AKR1D1: variants seen among roughly 807,000 people sequenced by gnomAD.
AKR1D1 encodes delta(4)-3-ketosteroid 5-beta-reductase.
Under a neutral mutation model 42.6 loss-of-function variants are expected in AKR1D1, and 32 were observed. That is an observed-to-expected ratio of 0.75 (90% confidence interval 0.57 to 1.01). The LOEUF is 1.01. Among genes scored for constraint, AKR1D1 ranks in the 50% least tolerant of loss-of-function variants. AKR1D1 has a pLI of 0.00. For synonymous variants in AKR1D1, 123 were observed against 135.5 expected, an observed-to-expected ratio of 0.91 and a Z score of 0.64; for missense variants, 364 against 402.2, an observed-to-expected ratio of 0.91 and a Z score of 0.81.
chr7:138,102,937 A>G (rs1794346303), intron 4 of AKR1D1, among the ~76,000 whole-genome samples: 1 of 152,132 alleles, frequency 6.6e-6, no homozygotes, highest in Non-Finnish European at 1.5e-5. Flanking sequence ...TTCTTCCTGG[A>G]TAGCTGGTTG....
chr7:138,095,197 A>G (rs1794161069), intron 3 of AKR1D1, among the ~76,000 whole-genome samples: 1 of 152,228 alleles, frequency 6.6e-6, no homozygotes, highest in African/African-American at 2.4e-5. Context: ...AAATCACGTA[A>G]CAGAATTCAT....
rs1306778999 is a variant in AKR1D1 at position 138,106,729 on chromosome 7, T to A, written c.689+12T>A. 2 of 1,565,690 alleles carry A rather than the reference T, an allele frequency of 1.3e-6. No homozygotes were observed. Among genetic ancestry groups the A allele is most frequent in the African/African-American group, 2.7e-5 (2 of 73,862 alleles). On this transcript the variant is annotated intron_variant, in intron 6 of 8. Transcript: ENST00000242375. The stretch of plus-strand genomic sequence containing the variant: ...AGGAATCCAATCTGGTAAGTAAAAC[T>A]TTAGGAAGCATTTCCTTTGGTGTAG...
chr7:138,108,277 A>G (rs1208891605), intron 7 of AKR1D1, among the ~76,000 whole-genome samples: 1 of 152,316 alleles, frequency 6.6e-6, no homozygotes, highest in South Asian at 2.1e-4. Flanking sequence ...TAAAGACTAA[A>G]CTGCTAGGTA....
At position 138,076,540 on chromosome 7, in the gene AKR1D1, C is replaced by A; in HGVS notation, c.22C>A (p.His8Asn). The stretch of plus-strand genomic sequence containing the variant: ...CACAATGGATCTCAGTGCTGCAAGT[C>A]ACCGCATACCTCTAAGTGATGGAAA... MDLSAAS[H>N]RIPLSDGNSI... Residue 8 changes from histidine (H) to asparagine (N), a missense_variant, in exon 1 of 9, where the codon CAC becomes AAC. Transcript: ENST00000242375. 6.2e-7 allele frequency: 1 copy of A among 1,613,538 alleles called. No individual in the cohort carries two copies. The highest frequency in any genetic ancestry group is 8.5e-7 in the Non-Finnish European group (1 of 1,179,666).
intron 2 of AKR1D1, 70 bp downstream of exon 2, chr7:138,088,838 T>G: frequency 2.1e-6 from 3 of 1,440,942 alleles, no homozygotes; most frequent in Non-Finnish European, 1.8e-6. Flanking sequence ...ATTATTCATC[T>G]TCCGTGTGTG....
chr7:138,097,967 T>G (rs746024345), intron 4 of AKR1D1, 24 bp downstream of exon 4: 20 of 1,539,016 alleles, frequency 1.3e-5, no homozygotes, highest in Non-Finnish European at 7.2e-6. Flanking sequence ...TGCTTCTTAT[T>G]TTAAAAGACG....
At chr7:138,084,954 G>A (rs1292334376) in intron 1 of AKR1D1, among the ~76,000 whole-genome samples, 1 of 150,416 alleles carries the variant, frequency 6.6e-6, no homozygotes, top group Non-Finnish European at 1.5e-5. Flanking sequence ...TGCTCGGAAG[G>A]CTGAGGTAGG....
intron 7 of AKR1D1, among the ~76,000 whole-genome samples, chr7:138,110,044 A>G (rs1026898473): frequency 6.6e-6 from 1 of 152,166 alleles, no homozygotes; most frequent in Non-Finnish European, 1.5e-5. Context: ...AAACGGATAC[A>G]GATTTAGAAG....
At chr7:138,112,784 T>C (rs1202287766) in intron 7 of AKR1D1, among the ~76,000 whole-genome samples, 5 of 151,118 alleles carry the variant, frequency 3.3e-5, no homozygotes, top group Admixed American at 1.3e-4. Flanking sequence ...AAAGAGAAGA[T>C]AGGTTATATA....
At chr7:138,114,381 A>G (rs566426858) in intron 8 of AKR1D1, among the ~76,000 whole-genome samples, 82 of 152,318 alleles carry the variant, frequency 5.4e-4, no homozygotes, top group Non-Finnish European at 9.3e-4. Flanking sequence ...AAAAGAATAT[A>G]GTTTTGGCCA....
intron 7 of AKR1D1, among the ~76,000 whole-genome samples, chr7:138,109,709 A>C (rs1469185813): frequency 6.6e-6 from 1 of 152,158 alleles, no homozygotes; most frequent in African/African-American, 2.4e-5. Flanking sequence ...CCTCATCCTA[A>C]AAAGTGGTTG....
intron 1 of AKR1D1, among the ~76,000 whole-genome samples, chr7:138,081,021 C>G (rs1337786679): frequency 2.0e-5 from 3 of 152,156 alleles, no homozygotes; most frequent in African/African-American, 7.2e-5. Flanking sequence ...GTTTTTGTTG[C>G]TAAAGCACTG....
rs773852919 is a variant in AKR1D1 at position 138,088,649 on chromosome 7, G to A, written c.142G>A (p.Gly48Arg). ...ATCGGTGAAGGTTGCTATTGACACAGGGTACCGACATATTGATGGGGCCTA... is the reference window on the plus strand; with the variant it reads ...ATCGGTGAAGGTTGCTATTGACACAAGGTACCGACATATTGATGGGGCCTA... ...ATSVKVAIDT[G>R]YRHIDGAYIY... The change falls in exon 2 of 9, where the codon GGG (glycine) becomes AGG (arginine). Residue 48 changes from glycine (G) to arginine (R), a missense_variant. Coordinates refer to ENST00000242375, the MANE Select transcript of AKR1D1 (RefSeq NM_005989.4). 8 of 1,614,122 alleles carry A rather than the reference G, an allele frequency of 5.0e-6. No individual in the cohort carries two copies. Among genetic ancestry groups the A allele is most frequent in the Non-Finnish European group, 6.8e-6 (8 of 1,180,030 alleles).
intron 6 of AKR1D1, among the ~76,000 whole-genome samples, chr7:138,106,927 T>A (rs1013945736): frequency 6.6e-6 from 1 of 152,358 alleles, no homozygotes; most frequent in East Asian, 1.9e-4. Flanking sequence ...CAGTGCCTGA[T>A]ATATAGGAAT....
Position 138,116,655 on chromosome 7 carries a change from A to G in AKR1D1, c.974A>G (p.Glu325Gly), listed in dbSNP as rs1425219095. 2 of 1,614,184 alleles carry G rather than the reference A, an allele frequency of 1.2e-6. No individual in the cohort carries two copies. The highest frequency in any genetic ancestry group is 1.7e-6 in the Non-Finnish European group (2 of 1,180,034). Residue 325 changes from glutamate to glycine, a missense_variant, in exon 9 of 9, where the codon GAA (glutamate) becomes GGA (glycine). Transcript: ENST00000242375. ...RDHPEYPFHDEY is the reference protein window; with the variant it reads ...RDHPEYPFHDGY ...CATCCTGAATACCCATTTCATGATG[A>G]ATACTGACTGCAGGGAGTTCCTGAA... is the stretch of plus-strand genomic sequence containing the variant.
At chr7:138,085,366 C>G (rs550349191) in intron 1 of AKR1D1, among the ~76,000 whole-genome samples, 80 of 151,998 alleles carry the variant, frequency 5.3e-4, no homozygotes, top group African/African-American at 1.9e-3. Context: ...GAGTCATCAT[C>G]CAAATATACA....
At chr7:138,102,385 C>T (rs922318774) in intron 4 of AKR1D1, among the ~76,000 whole-genome samples, 1 of 152,036 alleles carries the variant, frequency 6.6e-6, no homozygotes, top group Non-Finnish European at 1.5e-5. Context: ...ATGGGGAACA[C>T]TGAGACCCCG....
Position 138,096,343 on chromosome 7 carries a change from G to A in AKR1D1, c.379-1523G>A, listed in dbSNP as rs545044938. Among the ~76,000 whole-genome samples, 5 of 152,250 alleles carry A rather than the reference G, an allele frequency of 3.3e-5. No individual in the cohort carries two copies. The East Asian group carries it at 5.8e-4, about 18-fold the overall frequency. On this transcript the variant is annotated intron_variant, in intron 3 of 8. Transcript: ENST00000242375. ...GTATTGGCTCAAAGTTCTAGAAGCT[G>A]GAGAGTTCAAGACCAAAGTACCAGC...
chr7:138,105,228 A>T, intron 4 of AKR1D1, 79 bp from the exon 5 acceptor site: 7 of 1,601,428 alleles, frequency 4.4e-6, no homozygotes, highest in Non-Finnish European at 6.0e-6. Flanking sequence ...TTTTTAAAGA[A>T]TTCACAGTCA....
Sources: allele counts gnomAD v4.1 joint callset (sites outside exome capture counted in the v4.1 genomes callset), GRCh38; gene constraint gnomAD v4.1.1; transcripts MANE v1.5; gene names NCBI Gene and HGNC (gene_info 2026-07-23, HGNC 2026-07-21).